Variants in TASOR observed in about 807,000 individuals in gnomAD.
TASOR encodes protein TASOR.
A neutral mutation model predicts 178.6 loss-of-function variants in TASOR; 53 were observed. The ratio of observed to expected loss-of-function variants is 0.30; its 90% CI spans 0.24 to 0.37. The LOEUF (loss-of-function observed/expected upper bound fraction) is 0.37. TASOR is among the 10% of genes least tolerant of loss of function. The pLI, the probability that TASOR is intolerant of heterozygous loss-of-function variation, is 1.00. For synonymous variants in TASOR, 713 were observed against 696.2 expected (o/e 1.02, Z -0.38); for missense variants, 1,815 against 1,971.4 (o/e 0.92, Z 1.50).
At chr3:56,668,287 C>CA in intron 6 of TASOR, 110 bp downstream of exon 6, 1 of 1,004,578 alleles carries the variant, frequency 1.0e-6, no homozygotes, top group South Asian at 1.7e-5. Flanking sequence ...ATGCAGACAC[C>CA]AGAGTCTAGA....
chr3:56,640,838 G>A (rs1424452773), intron 15 of TASOR, among the ~76,000 whole-genome samples: 2 of 152,110 alleles, frequency 1.3e-5, no homozygotes, highest in African/African-American at 4.8e-5. Context: ...AAATATACTG[G>A]ACACTCTAAT....
At chr3:56,638,644 A>C in intron 17 of TASOR, 62 bp downstream of exon 17, 2 of 1,554,684 alleles carry the variant, frequency 1.3e-6, no homozygotes, top group Middle Eastern at 1.7e-4. Context: ...GAGTATCAGA[A>C]ATGCAAGTAG....
chr3:56,669,307 T>C (rs1024944324), intron 5 of TASOR, among the ~76,000 whole-genome samples: 1 of 151,898 alleles, frequency 6.6e-6, no homozygotes, highest in Admixed American at 6.6e-5. Context: ...ATCGAGACCA[T>C]CCTGGCTAAC....
At chr3:56,636,623 G>A (rs78522019) in intron 17 of TASOR, among the ~76,000 whole-genome samples, 28,034 of 151,410 alleles carry the variant, frequency 0.19, 3,424 homozygotes, top group South Asian at 0.41. Context: ...GGATGGTCTC[G>A]ATGTCTTGAC....
At chr3:56,641,036 T>TATGAAAC (rs1421409135) in intron 15 of TASOR, among the ~76,000 whole-genome samples, 1 of 152,174 alleles carries the variant, frequency 6.6e-6, no homozygotes, top group African/African-American at 2.4e-5. Context: ...TCAACTTCAT[T>TATGAAAC]ATGAAACAAT....
chr3:56,636,201 T>A (rs551380083), intron 17 of TASOR, among the ~76,000 whole-genome samples: 3 of 150,302 alleles, frequency 2.0e-5, no homozygotes, highest in Non-Finnish European at 4.4e-5. Flanking sequence ...TCTCAGCTAC[T>A]CAGGAAGCAG....
At chr3:56,674,224 A>AAAG (rs1559854358) in intron 1 of TASOR, among the ~76,000 whole-genome samples, 2 of 138,758 alleles carry the variant, frequency 1.4e-5, no homozygotes, top group Non-Finnish European at 3.1e-5. Flanking sequence ...AAAAAAAAAA[A>AAAG]GCTTGGTGGC....
At position 56,682,710 on chromosome 3, in the gene TASOR, ACTC is replaced by A; in HGVS notation, c.294_296del (p.Arg98del). The A allele has an allele frequency of 1.3e-5, 19 of 1,478,434 alleles. No individual in the cohort carries two copies. The highest frequency in any genetic ancestry group is 1.6e-5 in the Non-Finnish European group (18 of 1,112,764). 91.6% of individuals were successfully genotyped at this position (1,478,434 alleles called of 1,614,324 possible). ...CTCTGCTCTTCCTGGGGATCTGAAA[ACTC>A]CTCCTAACAGGCCTTTCGGGCTCTT... On this transcript the variant is annotated inframe_deletion, in exon 1 of 24. Coordinates refer to ENST00000683822, the MANE Select transcript of TASOR (RefSeq NM_001365635.2).
chr3:56,624,557 G>C lies in TASOR; in HGVS notation c.4405C>G (p.Leu1469Val), dbSNP rs772518948. ...AEDFMQNFKNLVGYHNSITEE... is the reference protein window; with the variant it reads ...AEDFMQNFKNVVGYHNSITEE... Reference sequence around the variant, plus strand: ...GTGATTGAATTGTGATAGCCCACAAGATTTTTAAAGTTTTGCATGAAGTCT... The same window carrying C: ...GTGATTGAATTGTGATAGCCCACAACATTTTTAAAGTTTTGCATGAAGTCT... Residue 1469 changes from leucine to valine, a missense_variant, in exon 23 of 24, where the codon CTT becomes GTT. Coordinates refer to ENST00000683822, the MANE Select transcript of TASOR (RefSeq NM_001365635.2). 5.0e-6 allele frequency: 8 copies of C among 1,613,990 alleles called. No homozygotes were observed. Among genetic ancestry groups the C allele is most frequent in the Non-Finnish European group, 6.8e-6 (8 of 1,179,994 alleles).
rs2076763171 is a variant in TASOR, at chr3:56,624,808, C to CTTA, written c.4318+17_4318+19dup. ...ACATTCCTATATTCATAGTAGAAAG[C>CTTA]TTAGGAGTGCTCTCTTTACCTGTTA... On this transcript the variant is annotated intron_variant, in intron 22 of 23. Transcript: ENST00000683822. The CTTA allele has an allele frequency of 6.2e-7, 1 of 1,612,208 alleles. No individual in the cohort carries two copies. Among genetic ancestry groups the CTTA allele is most frequent in the Non-Finnish European group, 8.5e-7 (1 of 1,178,956 alleles).
rs1281301498 is a variant in TASOR, at chr3:56,622,039, A to ACTCCATAACTTTTACTGAAAT, written c.*977_*997dup. 1.3e-5 allele frequency: 2 copies of ACTCCATAACTTTTACTGAAAT among 152,274 alleles called. No homozygotes were observed. The highest frequency in any genetic ancestry group is 6.5e-5 in the Admixed American group (1 of 15,272). The allele number at this position is 152,274 out of a possible 1,614,324, so 9.4% of individuals were successfully genotyped here. On this transcript the variant is annotated 3_prime_UTR_variant, in exon 24 of 24. Coordinates refer to ENST00000683822, the MANE Select transcript of TASOR (RefSeq NM_001365635.2). ...ACTTATTAACACGTCTAGACCCATA[A>ACTCCATAACTTTTACTGAAAT]CTCCATAACTTTTACTGAAATAACA... is the stretch of plus-strand genomic sequence containing the variant.
At chr3:56,675,113 C>A (rs781729380) in intron 1 of TASOR, among the ~76,000 whole-genome samples, 4 of 151,880 alleles carry the variant, frequency 2.6e-5, no homozygotes, top group Admixed American at 6.6e-5. Context: ...CATGAGCCAC[C>A]GTGCCCAGCC....
In TASOR at chr3:56,666,403, A is replaced by C. The variant is rs1379161002; in HGVS notation, c.898-19T>G. 6.9e-7 allele frequency: 1 copy of C among 1,455,228 alleles called. No individual in the cohort carries two copies. Among genetic ancestry groups the C allele is most frequent in the African/African-American group, 1.4e-5 (1 of 69,134 alleles). 90.1% of individuals were successfully genotyped at this position (1,455,228 alleles called of 1,614,324 possible). ...AATAATACTAAAAATAAGAAAATGA[A>C]AAATTAACTTCTTTAAAAAGGCAAG... is the stretch of plus-strand genomic sequence containing the variant. On this transcript the variant is annotated intron_variant, in intron 6 of 23. Transcript: ENST00000683822.
At chr3:56,646,458 C>G in intron 14 of TASOR, 64 bp downstream of exon 14, 2 of 1,368,518 alleles carry the variant, frequency 1.5e-6, no homozygotes, top group Non-Finnish European at 2.0e-6. Flanking sequence ...ATACGCCCCT[C>G]TGCTACAAGA....
At chr3:56,637,248 T>G (rs1266556385) in intron 17 of TASOR, among the ~76,000 whole-genome samples, 1 of 152,170 alleles carries the variant, frequency 6.6e-6, no homozygotes, top group Non-Finnish European at 1.5e-5. Context: ...CATGTACATA[T>G]GTAAAATTTC....
chr3:56,658,674 AG>A (rs2077523574), intron 11 of TASOR, among the ~76,000 whole-genome samples: 1 of 152,222 alleles, frequency 6.6e-6, no homozygotes. Context: ...TGGGAGGCCG[AG>A]GCGGGTGGAT....
At chr3:56,678,960 C>T (rs912883554) in intron 1 of TASOR, among the ~76,000 whole-genome samples, 7 of 149,350 alleles carry the variant, frequency 4.7e-5, no homozygotes, top group African/African-American at 1.5e-4. Flanking sequence ...TGCAGTCAGC[C>T]GGGATCGCAA....
intron 11 of TASOR, among the ~76,000 whole-genome samples, chr3:56,658,805 G>A (rs937618401): frequency 6.2e-4 from 95 of 152,092 alleles, no homozygotes; most frequent in African/African-American, 2.2e-3. Context: ...TACTCGAGAA[G>A]CTGAGGCAGG....
At chr3:56,627,345 T>C (rs554772994) in intron 20 of TASOR, among the ~76,000 whole-genome samples, 200 bp from the exon 21 acceptor site, 2 of 152,346 alleles carry the variant, frequency 1.3e-5, no homozygotes, top group Non-Finnish European at 1.5e-5. Context: ...AAAGAACATG[T>C]TGATGACAGT....
Sources: allele counts gnomAD v4.1 joint callset (sites outside exome capture counted in the v4.1 genomes callset), GRCh38; gene constraint gnomAD v4.1.1; transcripts MANE v1.5; gene names NCBI Gene and HGNC (gene_info 2026-07-23, HGNC 2026-07-21).